The following CSMD3 variants were observed in gnomAD, a reference collection of about 807,000 sequenced individuals.
CSMD3 encodes CUB and sushi domain-containing protein 3.
CSMD3 carries 177 observed loss-of-function variants against 435.2 expected under a neutral mutation model. The ratio of observed to expected loss-of-function variants is 0.41; its 90% CI spans 0.36 to 0.46. The LOEUF is 0.46. Ranked by LOEUF, CSMD3 falls within the 20% of genes least tolerant of loss-of-function variation. The probability of loss-of-function intolerance (pLI) is 0.34; values close to 1 mark genes in which losing one functional copy is unlikely to be tolerated. For synonymous variants in CSMD3, 1,656 were observed against 1,520.5 expected (o/e 1.09, Z -2.07); for missense variants, 4,265 against 4,504.6 (o/e 0.95, Z 1.52).
intron 38 of CSMD3, among the ~76,000 whole-genome samples, chr8:112,372,511 C>T (rs1828497570): frequency 6.6e-6 from 1 of 151,998 alleles, no homozygotes; most frequent in Non-Finnish European, 1.5e-5. Flanking sequence ...AGTTAAAATG[C>T]CATTATCTCA....
chr8:113,300,705 G>T (rs183090408), intron 2 of CSMD3, among the ~76,000 whole-genome samples: 148 of 151,964 alleles, frequency 9.7e-4, no homozygotes, highest in Non-Finnish European at 1.8e-3. Flanking sequence ...AAGGAGGGTG[G>T]GAATATAGGC....
chr8:112,373,082 C>G (rs1248061358), intron 38 of CSMD3, among the ~76,000 whole-genome samples: 2 of 149,714 alleles, frequency 1.3e-5, no homozygotes, highest in African/African-American at 4.9e-5. Context: ...TGGGAGGAAT[C>G]TCAGCCAAAT....
chr8:113,356,391 C>G (rs66613247), intron 1 of CSMD3, among the ~76,000 whole-genome samples: 16,216 of 152,022 alleles, frequency 0.11, 932 homozygotes, highest in Middle Eastern at 0.17. Flanking sequence ...AGTCTGGATA[C>G]TTAGTGAAGA....
intron 5 of CSMD3, among the ~76,000 whole-genome samples, chr8:113,032,245 G>A (rs2087142605): frequency 6.6e-6 from 1 of 151,556 alleles, no homozygotes; most frequent in South Asian, 2.1e-4. Flanking sequence ...AGAGTTTGGA[G>A]GGTTCAGAAG....
intron 22 of CSMD3, among the ~76,000 whole-genome samples, chr8:112,631,044 A>G (rs972748550): frequency 6.6e-6 from 1 of 151,844 alleles, no homozygotes; most frequent in Non-Finnish European, 1.5e-5. Flanking sequence ...TAAATACATT[A>G]TGAGTTTAAT....
At chr8:113,082,125 G>A (rs965004994) in intron 5 of CSMD3, among the ~76,000 whole-genome samples, 2 of 152,048 alleles carry the variant, frequency 1.3e-5, no homozygotes, top group Non-Finnish European at 2.9e-5. Flanking sequence ...TCTGCCAGGG[G>A]CCCAAGGACT....
intron 1 of CSMD3, among the ~76,000 whole-genome samples, chr8:113,360,734 C>T (rs1391565395): frequency 1.3e-5 from 2 of 151,564 alleles, no homozygotes; most frequent in African/African-American, 2.4e-5. Context: ...CTACCACGCC[C>T]GGCTAATTTT....
In CSMD3 at chr8:112,287,224, G is replaced by T. The variant is rs765740296; in HGVS notation, c.9171C>A (p.Gly3057=). The T allele has an allele frequency of 6.2e-7, 1 of 1,613,484 alleles. No homozygotes were observed. The highest frequency in any genetic ancestry group is 8.5e-7 in the Non-Finnish European group (1 of 1,179,698). ...HCSGDATGTC[G]DPGTPGHGSR... ...AGCCATGGCCGGGAGTACCTGGATC[G>T]CCACATGTCCCAGTAGCATCACCTG... The change falls in exon 58 of 71, where the codon GGC becomes GGA. Residue 3057 remains glycine (G), a synonymous_variant. Coordinates refer to ENST00000297405, the MANE Select transcript of CSMD3 (RefSeq NM_198123.2).
intron 4 of CSMD3, among the ~76,000 whole-genome samples, chr8:113,149,689 T>A (rs575493404): frequency 3.3e-5 from 5 of 152,030 alleles, no homozygotes; most frequent in African/African-American, 1.2e-4. Flanking sequence ...AATGGTATAT[T>A]TCTCTAAAAT....
At chr8:112,997,854 A>C (rs2085712852) in intron 6 of CSMD3, among the ~76,000 whole-genome samples, 1 of 83,330 alleles carries the variant, frequency 1.2e-5, no homozygotes, top group Non-Finnish European at 2.1e-5. Context: ...ATGTACATGT[A>C]TATGTGTGTA....
intron 22 of CSMD3, among the ~76,000 whole-genome samples, chr8:112,598,218 C>A (rs1245081844): frequency 2.3e-5 from 3 of 129,432 alleles, no homozygotes; most frequent in East Asian, 2.3e-4. Context: ...TTCTTATACA[C>A]CAACAACAGA....
intron 18 of CSMD3, among the ~76,000 whole-genome samples, chr8:112,651,241 TAAC>T (rs2075119391): frequency 6.6e-6 from 1 of 152,236 alleles, no homozygotes; most frequent in South Asian, 2.1e-4. Context: ...AATTAGTCGT[TAAC>T]ATTTTTAAGA....
intron 32 of CSMD3, among the ~76,000 whole-genome samples, chr8:112,432,083 T>A (rs1346653500): frequency 6.6e-6 from 1 of 150,974 alleles, no homozygotes; most frequent in Non-Finnish European, 1.5e-5. Flanking sequence ...ATTTGAGAAC[T>A]AACAAATACC....
At chr8:112,447,243 T>C (rs985226254) in intron 32 of CSMD3, among the ~76,000 whole-genome samples, 1 of 152,098 alleles carries the variant, frequency 6.6e-6, no homozygotes, top group Non-Finnish European at 1.5e-5. Context: ...TGAAGTCTTA[T>C]ATTTTTAAAT....
At chr8:112,460,660 A>T (rs1016582554) in intron 32 of CSMD3, among the ~76,000 whole-genome samples, 3 of 152,158 alleles carry the variant, frequency 2.0e-5, no homozygotes, top group African/African-American at 7.2e-5. Flanking sequence ...GTTACAATAA[A>T]ATAAATATTA....
chr8:112,419,594 G>A (rs911412801), intron 32 of CSMD3, among the ~76,000 whole-genome samples: 2 of 152,014 alleles, frequency 1.3e-5, no homozygotes, highest in Non-Finnish European at 2.9e-5. Context: ...CATAAACTAG[G>A]TTTGCTGACT....
chr8:113,094,997 G>C (rs1181459432), intron 5 of CSMD3, among the ~76,000 whole-genome samples: 1 of 151,808 alleles, frequency 6.6e-6, no homozygotes, highest in Non-Finnish European at 1.5e-5. Context: ...CTCAAACCCT[G>C]CAAGCAGAGG....
intron 1 of CSMD3, among the ~76,000 whole-genome samples, chr8:113,361,545 CAT>C (rs1491564072): frequency 1.2e-4 from 18 of 151,978 alleles, no homozygotes; most frequent in African/African-American, 3.6e-4. Context: ...TCATTGAAAT[CAT>C]ATGTTTCCAA....
At chr8:113,109,655 G>A (rs932417427) in intron 4 of CSMD3, among the ~76,000 whole-genome samples, 12 of 152,296 alleles carry the variant, frequency 7.9e-5, no homozygotes, top group Admixed American at 7.8e-4. Flanking sequence ...TGACAGTTCT[G>A]TGTTGTGGCC....
Sources: gnomAD v4.1 joint callset for allele counts (sites outside exome capture counted in the v4.1 genomes callset) on GRCh38, gnomAD v4.1.1 for gene constraint, MANE v1.5 for transcripts, NCBI Gene and HGNC (gene_info 2026-07-23, HGNC 2026-07-21) for gene names.